The following GRM4 variants were observed in gnomAD, a reference collection of about 807,000 sequenced individuals.
GRM4 encodes the protein metabotropic glutamate receptor 4.
In GRM4, 28 loss-of-function variants were observed where a neutral mutation model predicts 81.7. The observed-to-expected ratio is 0.34, with a 90% CI of 0.25 to 0.47. GRM4 has a LOEUF of 0.47. Among genes scored for constraint, GRM4 ranks in the 20% least tolerant of loss-of-function variants. The probability of loss-of-function intolerance (pLI) is 1.00; values close to 1 mark genes in which losing one functional copy is unlikely to be tolerated. For missense variants in GRM4, 948 were observed against 1,290.0 expected, an observed-to-expected ratio of 0.73 and a Z score of 4.06; for synonymous variants, 488 against 528.8, an observed-to-expected ratio of 0.92 and a Z score of 1.06.
chr6:34,115,178 G>C lies in GRM4; in HGVS notation c.519+17800C>G, dbSNP rs1324428186. 6.6e-6 allele frequency among the ~76,000 whole-genome samples: 1 copy of C among 152,184 alleles called. No individual in the cohort carries two copies. The highest frequency in any genetic ancestry group is 1.5e-5 in the Non-Finnish European group (1 of 68,032). On this transcript the variant is annotated intron_variant, in intron 2 of 10. Coordinates refer to ENST00000538487, the MANE Select transcript of GRM4 (RefSeq NM_000841.4). The surrounding 1 kb of genome is among the most constrained non-coding windows in gnomAD (Gnocchi z 4.1). ...CTAAACGCCAACACGCTGCCTCTGG[G>C]CCAGCCACCAGCCAGAACAGCAGCT... is the stretch of plus-strand genomic sequence containing the variant.
intron 6 of GRM4, among the ~76,000 whole-genome samples, 156 bp from the exon 7 acceptor site, chr6:34,040,904 C>G (rs1764991901): frequency 6.6e-6 from 1 of 152,204 alleles, no homozygotes; most frequent in Non-Finnish European, 1.5e-5. Flanking sequence ...GCTCTATCAC[C>G]CAGGAGATGG....
rs998486329 is a variant in GRM4, at chr6:34,019,022, C to G, written c.*3799G>C. 18 of 152,332 alleles carry G rather than the reference C, an allele frequency of 1.2e-4. No homozygotes were observed. The highest frequency in any genetic ancestry group is 4.3e-4 in the African/African-American group (18 of 41,460). 9.4% of individuals were successfully genotyped at this position (152,332 alleles called of 1,614,324 possible). ...TGAGGGTGTCAGAAAGAGGGGCGCC[C>G]AGCCTTATGCAGGCTCAGCATCTTC... On this transcript the variant is annotated 3_prime_UTR_variant, in exon 11 of 11. Transcript: ENST00000538487.
At chr6:34,075,119 G>A (rs1043717282) in intron 3 of GRM4, among the ~76,000 whole-genome samples, 16 of 152,212 alleles carry the variant, frequency 1.1e-4, no homozygotes, top group Middle Eastern at 3.2e-3. Context: ...GTGCAGTGGG[G>A]CTGTGGCGAG....
At chr6:34,025,676 A>G (rs1764098843) in intron 10 of GRM4, among the ~76,000 whole-genome samples, 1 of 152,150 alleles carries the variant, frequency 6.6e-6, no homozygotes, top group South Asian at 2.1e-4. Flanking sequence ...GCTCCAAGGG[A>G]AAGGTTCACC....
chr6:34,061,156 TGGCAGGGGCCAC>T lies in GRM4; in HGVS notation c.872+725_872+736del, dbSNP rs1291885574. The T allele has an allele frequency of 2.0e-5, 3 of 152,262 alleles. No homozygotes were observed. The East Asian group carries it at 5.8e-4, about 29-fold the overall frequency. The allele number at this position is 152,262 out of a possible 1,614,324, so 9.4% of individuals were successfully genotyped here. ...CCCGGGCCAGATATCTGAGGAGACC[TGGCAGGGGCCAC>T]ATCTGCTCTCAGCCTCCTCTCTGAA... On this transcript the variant is annotated intron_variant, in intron 4 of 10. Coordinates refer to ENST00000538487, the MANE Select transcript of GRM4 (RefSeq NM_000841.4).
chr6:34,071,194 C>G (rs1291145582), intron 3 of GRM4, among the ~76,000 whole-genome samples: 1 of 150,460 alleles, frequency 6.6e-6, no homozygotes, highest in African/African-American at 2.5e-5. Context: ...TAGCCACACA[C>G]AGACACACAC....
intron 2 of GRM4, among the ~76,000 whole-genome samples, chr6:34,095,574 T>A (rs2499713): frequency 1.1e-4 from 16 of 152,318 alleles, no homozygotes; most frequent in African/African-American, 1.7e-4. Context: ...CTCAGAACAG[T>A]GCCTGGCAGG....
At chr6:34,072,386 A>G (rs1195041066) in intron 3 of GRM4, among the ~76,000 whole-genome samples, 1 of 149,470 alleles carries the variant, frequency 6.7e-6, no homozygotes, top group Non-Finnish European at 1.5e-5. Flanking sequence ...ACAGATACAC[A>G]GCACACACAC....
At chr6:34,033,523 G>C (rs868529961) in intron 9 of GRM4, among the ~76,000 whole-genome samples, 3 of 152,064 alleles carry the variant, frequency 2.0e-5, no homozygotes, top group Admixed American at 2.0e-4. Flanking sequence ...GGGATGATGA[G>C]ACCTCACCAG....
chr6:34,089,044 C>T lies in GRM4; in HGVS notation c.736+2839G>A, dbSNP rs1768058748. ...TCTGTGGCCTTGGGAAAGTGACCCA[C>T]CCCCTCTGGCCTCCATTTCCCCATC... On this transcript the variant is annotated intron_variant, in intron 3 of 10. Transcript: ENST00000538487. This position sits in a 1 kb window ranked among gnomAD's most constrained non-coding sequence, Gnocchi z 4.3. Among the ~76,000 whole-genome samples, 3 of 152,110 alleles carry T rather than the reference C, an allele frequency of 2.0e-5. No homozygotes were observed. Among genetic ancestry groups the T allele is most frequent in the African/African-American group, 7.2e-5 (3 of 41,424 alleles).
At chr6:34,140,388 G>A (rs561856602) in intron 1 of GRM4, among the ~76,000 whole-genome samples, 12 of 152,224 alleles carry the variant, frequency 7.9e-5, no homozygotes, top group African/African-American at 2.4e-4. Flanking sequence ...TATCGACCAC[G>A]GTGTGGACAG....
chr6:34,142,925 C>T (rs1770753341), intron 1 of GRM4, among the ~76,000 whole-genome samples: 1 of 152,176 alleles, frequency 6.6e-6, no homozygotes, highest in Non-Finnish European at 1.5e-5. Flanking sequence ...AGGACCTGTG[C>T]TTGGTGACGA....
chr6:34,052,152 C>T (rs1358781696), intron 6 of GRM4, among the ~76,000 whole-genome samples: 3 of 152,196 alleles, frequency 2.0e-5, no homozygotes, highest in African/African-American at 4.8e-5. Flanking sequence ...TTAATGGCCT[C>T]TCGGAGCATC....
At position 34,121,459 on chromosome 6, in the gene GRM4, G is replaced by A. The variant is rs532503350; in HGVS notation, c.519+11519C>T. On this transcript the variant is annotated intron_variant, in intron 2 of 10. Coordinates refer to ENST00000538487, the MANE Select transcript of GRM4 (RefSeq NM_000841.4). The surrounding 1 kb of genome is among the most constrained non-coding windows in gnomAD (Gnocchi z 4.6). ...GGCCACAACCCCAGGGACAGAGAACGTGGCAAGTGCTACCTCTGTCCGCTC... is the reference window on the plus strand; with the variant it reads ...GGCCACAACCCCAGGGACAGAGAACATGGCAAGTGCTACCTCTGTCCGCTC... Among the ~76,000 whole-genome samples the A allele has an allele frequency of 1.3e-5, 2 of 152,338 alleles. No homozygotes were observed. Among genetic ancestry groups the A allele is most frequent in the African/African-American group, 4.8e-5 (2 of 41,584 alleles).
Position 34,036,571 on chromosome 6 carries a change from C to T in GRM4, c.1539G>A (p.Gln513=), listed in dbSNP as rs768407715. 2 of 1,594,178 alleles carry T rather than the reference C, an allele frequency of 1.3e-6. No individual in the cohort carries two copies. Among genetic ancestry groups the T allele is most frequent in the Non-Finnish European group, 1.7e-6 (2 of 1,169,818 alleles). Residue 513 remains glutamine, a synonymous_variant, in exon 9 of 11, where the codon CAG becomes CAA. Transcript: ENST00000538487. The surrounding 1 kb of genome is among the most constrained non-coding windows in gnomAD (Gnocchi z 9.0). ...IERMHWPGSG[Q]QLPRSICSLP... ...GGCTGCAGATGGAGCGGGGCAGCTG[C>T]TGCCCGCTCCCCGGCCAGTGCATCC...
chr6:34,044,677 C>CACACACAGAG (rs1765244181), intron 6 of GRM4, among the ~76,000 whole-genome samples: 1 of 149,514 alleles, frequency 6.7e-6, no homozygotes, highest in African/African-American at 2.5e-5. Context: ...CACAGACACA[C>CACACACAGAG]ACACACAGAC....
At chr6:34,065,807 G>A (rs888599057) in intron 3 of GRM4, among the ~76,000 whole-genome samples, 1 of 152,250 alleles carries the variant, frequency 6.6e-6, no homozygotes, top group Non-Finnish European at 1.5e-5. Context: ...TGGATGGAGA[G>A]TGAGGAGACA....
chr6:34,104,136 T>C (rs1047859768), intron 2 of GRM4, among the ~76,000 whole-genome samples: 1 of 152,226 alleles, frequency 6.6e-6, no homozygotes, highest in African/African-American at 2.4e-5. Context: ...GTGCTGTCTG[T>C]GGGCCAGGAC....
At chr6:34,117,237 T>C (rs1769635617) in intron 2 of GRM4, among the ~76,000 whole-genome samples, 1 of 152,144 alleles carries the variant, frequency 6.6e-6, no homozygotes. Flanking sequence ...AGCAGAGGCC[T>C]GGCAGATGGG....
Sources: allele counts gnomAD v4.1 joint callset (sites outside exome capture counted in the v4.1 genomes callset), GRCh38; gene constraint gnomAD v4.1.1; non-coding constraint Gnocchi (gnomAD v3.1); transcripts MANE v1.5; gene names NCBI Gene and HGNC (gene_info 2026-07-23, HGNC 2026-07-21).